The following ITGB3BP variants were observed in gnomAD, a reference collection of about 807,000 sequenced individuals.
The protein encoded by ITGB3BP is integrin subunit beta 3 binding protein.
A neutral mutation model predicts 29.1 loss-of-function variants in ITGB3BP; 27 were observed. The ratio of observed to expected loss-of-function variants is 0.93; its 90% CI spans 0.68 to 1.28. The LOEUF is 1.28. Among genes scored for constraint, ITGB3BP ranks in the 50% most tolerant of loss-of-function variants. The pLI is 0.00. For missense variants in ITGB3BP, 192 were observed against 200.2 expected (o/e 0.96, Z 0.25); for synonymous variants, 61 against 61.4 (o/e 0.99, Z 0.03).
chr1:63,495,958 A>G (rs1645776815), intron 2 of ITGB3BP, among the ~76,000 whole-genome samples: 1 of 152,154 alleles, frequency 6.6e-6, no homozygotes, highest in Non-Finnish European at 1.5e-5. Flanking sequence ...GTGTCTACTC[A>G]TAACCCATTC....
upstream of ITGB3BP, among the ~76,000 whole-genome samples, chr1:63,525,188 CTG>C (rs1353182327): frequency 2.6e-5 from 4 of 152,176 alleles, no homozygotes; most frequent in East Asian, 7.7e-4. Flanking sequence ...CTGATGAAGA[CTG>C]TCATCTGACT....
intron 4 of ITGB3BP, among the ~76,000 whole-genome samples, chr1:63,474,271 T>TGGG (rs773098004): frequency 9.2e-6 from 1 of 108,978 alleles, no homozygotes; most frequent in Non-Finnish European, 1.9e-5. Flanking sequence ...GGGAGGGTGG[T>TGGG]GGGGGGGTCA....
At chr1:63,460,113 A>C (rs1644993606) in intron 4 of ITGB3BP, among the ~76,000 whole-genome samples, 1 of 152,162 alleles carries the variant, frequency 6.6e-6, no homozygotes, top group East Asian at 1.9e-4. Context: ...TCAGCTTAAA[A>C]TTTTTTCTAA....
intron 4 of ITGB3BP, among the ~76,000 whole-genome samples, chr1:63,471,094 G>A (rs1392276868): frequency 6.6e-6 from 1 of 151,990 alleles, no homozygotes; most frequent in Non-Finnish European, 1.5e-5. Context: ...AAAGTCTTTT[G>A]CCCATTTTTC....
At chr1:63,517,278 C>T (rs376518023) in intron 1 of ITGB3BP, among the ~76,000 whole-genome samples, 3 of 151,778 alleles carry the variant, frequency 2.0e-5, no homozygotes, top group Admixed American at 6.6e-5. Flanking sequence ...TTAATAATAC[C>T]ACATTTATCA....
At chr1:63,498,849 TGGAA>T (rs1645854323) in intron 2 of ITGB3BP, among the ~76,000 whole-genome samples, 1 of 145,522 alleles carries the variant, frequency 6.9e-6, no homozygotes, top group Non-Finnish European at 1.5e-5. Context: ...GGAGGGAGGG[TGGAA>T]GGAAGGAAGG....
intron 2 of ITGB3BP, among the ~76,000 whole-genome samples, chr1:63,496,356 G>C (rs552403588): frequency 2.6e-5 from 4 of 152,054 alleles, no homozygotes; most frequent in Non-Finnish European, 4.4e-5. Flanking sequence ...GCCTCCCAAA[G>C]TGCTGGGATT....
intron 4 of ITGB3BP, among the ~76,000 whole-genome samples, chr1:63,473,190 G>T (rs947395423): frequency 6.6e-6 from 1 of 151,006 alleles, no homozygotes; most frequent in Non-Finnish European, 1.5e-5. Flanking sequence ...GGTGAGGAGC[G>T]TCTCTGCCCG....
At chr1:63,467,141 C>T (rs1645112565) in intron 4 of ITGB3BP, among the ~76,000 whole-genome samples, 1 of 152,126 alleles carries the variant, frequency 6.6e-6, no homozygotes, top group African/African-American at 2.4e-5. Context: ...CCTTGGCCTC[C>T]TAAAGTCCTG....
upstream of ITGB3BP, chr1:63,525,750 CTTTACTTAGGTAAA>C: frequency 6.4e-7 from 1 of 1,560,562 alleles, no homozygotes; most frequent in Non-Finnish European, 8.6e-7. Context: ...TAAAGATCAA[CTTTACTTAGGTAAA>C]TTTTTAAAAT....
chr1:63,522,121 T>G (rs888763962), intron 1 of ITGB3BP, among the ~76,000 whole-genome samples: 1 of 152,216 alleles, frequency 6.6e-6, no homozygotes, highest in African/African-American at 2.4e-5. Context: ...GGTGATGGGT[T>G]TCTTTATCTG....
In ITGB3BP at chr1:63,474,917, AAAACAAAACAAAAC is replaced by A. The variant is rs1483875018; in HGVS notation, c.254+3833_254+3846del. 7.1e-4 allele frequency among the ~76,000 whole-genome samples: 11 copies of A among 15,420 alleles called. No individual in the cohort carries two copies. The Non-Finnish European group carries it at 0.019, about 26-fold the overall frequency. The allele number at this position is 15,420 out of a possible 152,430, so 10.1% of individuals were successfully genotyped here. On this transcript the variant is annotated intron_variant, in intron 4 of 8. Coordinates refer to ENST00000271002, the MANE Select transcript of ITGB3BP (RefSeq NM_014288.5). ...AAAAAAAAAATAAATAAATAAAATA[AAAACAAAACAAAAC>A]AAAAACAAAAACTGATCCACAAATG...
At chr1:63,518,112 T>C (rs963141783) in intron 1 of ITGB3BP, among the ~76,000 whole-genome samples, 18 of 152,210 alleles carry the variant, frequency 1.2e-4, no homozygotes, top group African/African-American at 4.3e-4. Context: ...GCCTTTTTCC[T>C]AATCTTAAAA....
chr1:63,496,090 T>C (rs1645780623), intron 2 of ITGB3BP, among the ~76,000 whole-genome samples: 1 of 147,224 alleles, frequency 6.8e-6, no homozygotes. Flanking sequence ...TCTGGGCCAC[T>C]ACAATTTTTT....
chr1:63,499,866 A>G (rs546200920), intron 2 of ITGB3BP, among the ~76,000 whole-genome samples: 48 of 152,282 alleles, frequency 3.2e-4, no homozygotes, highest in African/African-American at 1.1e-3. Flanking sequence ...TGTATGAAAA[A>G]CTCAGAGCTA....
intron 3 of ITGB3BP, among the ~76,000 whole-genome samples, chr1:63,480,280 A>C (rs1645415703): frequency 6.6e-6 from 1 of 152,110 alleles, no homozygotes; most frequent in South Asian, 2.1e-4. Flanking sequence ...TTATAGCTCT[A>C]GTAGAACATA....
In ITGB3BP at chr1:63,523,158, G is replaced by A. The variant is rs548088657; in HGVS notation, c.-25C>T. 2 of 1,613,984 alleles carry A rather than the reference G, an allele frequency of 1.2e-6. No homozygotes were observed. The highest frequency in any genetic ancestry group is 2.2e-5 in the East Asian group (1 of 44,882). On this transcript the variant is annotated 5_prime_UTR_variant, in exon 1 of 9. Coordinates refer to ENST00000271002, the MANE Select transcript of ITGB3BP (RefSeq NM_014288.5). ...TTCTGAGATTCGGGAAAGCACCACT[G>A]CCGCTGAATAAAACGAACCCAGCAA...
chr1:63,508,915 T>C (rs1646138667), intron 1 of ITGB3BP, among the ~76,000 whole-genome samples: 1 of 152,212 alleles, frequency 6.6e-6, no homozygotes, highest in Admixed American at 6.5e-5. Flanking sequence ...AATACCACTA[T>C]TACAATATCA....
intron 4 of ITGB3BP, among the ~76,000 whole-genome samples, chr1:63,467,518 C>G (rs1379337585): frequency 8.5e-6 from 1 of 117,646 alleles, no homozygotes; most frequent in Non-Finnish European, 1.9e-5. Context: ...AGCTTGCTTG[C>G]TTGCTGATTG....
Sources: allele counts gnomAD v4.1 joint callset (sites outside exome capture counted in the v4.1 genomes callset), GRCh38; gene constraint gnomAD v4.1.1; transcripts MANE v1.5; gene names NCBI Gene and HGNC (gene_info 2026-07-23, HGNC 2026-07-21).